The following CNTN4 variants were observed in gnomAD, a reference collection of about 807,000 sequenced individuals.
CNTN4 encodes contactin-4.
A neutral mutation model predicts 122.5 loss-of-function variants in CNTN4; 77 were observed. The ratio of observed to expected loss-of-function variants is 0.63; its 90% CI spans 0.52 to 0.76. CNTN4 has a LOEUF of 0.76. Ranked by LOEUF, CNTN4 falls within the 30% of genes least tolerant of loss-of-function variation. The pLI, the probability that CNTN4 is intolerant of heterozygous loss-of-function variation, is 0.00. For missense variants in CNTN4, 1,256 were observed against 1,259.1 expected, an observed-to-expected ratio of 1.00 and a Z score of 0.04; for synonymous variants, 512 against 447.0, an observed-to-expected ratio of 1.15 and a Z score of -1.83.
Position 2,412,140 on chromosome 3 carries a change from A to G in CNTN4, c.-89+72907A>G, listed in dbSNP as rs1165880923. On this transcript the variant is annotated intron_variant, in intron 3 of 24. Transcript: ENST00000418658. ...ATTTTTTGAGATTCTTTTGTATTCC[A>G]TGTATCAGGAGTGTGTTCTTTTCAT... Among the ~76,000 whole-genome samples, 8 of 152,282 alleles carry G rather than the reference A, an allele frequency of 5.3e-5. No individual in the cohort carries two copies. In the East Asian group the frequency reaches 7.7e-4, roughly 15 times the overall value.
At chr3:2,685,566 A>C (rs1028140006) in intron 4 of CNTN4, among the ~76,000 whole-genome samples, 2 of 152,188 alleles carry the variant, frequency 1.3e-5, no homozygotes, top group Non-Finnish European at 2.9e-5. Flanking sequence ...ACAATTATGC[A>C]AATAGTGTGA....
intron 3 of CNTN4, among the ~76,000 whole-genome samples, chr3:2,546,866 A>T (rs577545830): frequency 1.3e-5 from 2 of 152,274 alleles, no homozygotes; most frequent in Non-Finnish European, 2.9e-5. Context: ...TAAGATTTAC[A>T]CCAATTTCAT....
chr3:2,613,175 CG>C (rs200711901), intron 4 of CNTN4, among the ~76,000 whole-genome samples: 33,621 of 151,946 alleles, frequency 0.22, 4,170 homozygotes, highest in African/African-American at 0.32. Context: ...TCTAAGCACA[CG>C]TGGAGACTCC....
intron 2 of CNTN4, among the ~76,000 whole-genome samples, chr3:2,193,988 C>T (rs1299542760): frequency 6.6e-6 from 1 of 152,102 alleles, no homozygotes; most frequent in Non-Finnish European, 1.5e-5. Context: ...ATACATTTCT[C>T]AAAACACATC....
intron 6 of CNTN4, among the ~76,000 whole-genome samples, chr3:2,770,325 G>T (rs1161340534): frequency 6.6e-6 from 1 of 152,132 alleles, no homozygotes; most frequent in Non-Finnish European, 1.5e-5. Flanking sequence ...ACCGTTTCCG[G>T]CCCTCTTCCA....
chr3:2,236,281 C>G (rs2039678617), intron 2 of CNTN4, among the ~76,000 whole-genome samples: 1 of 152,138 alleles, frequency 6.6e-6, no homozygotes, highest in Non-Finnish European at 1.5e-5. Context: ...TGCTGATTAG[C>G]AATGAAACCA....
chr3:2,859,950 T>G (rs1024189420), intron 7 of CNTN4, among the ~76,000 whole-genome samples: 3 of 152,196 alleles, frequency 2.0e-5, no homozygotes, highest in Non-Finnish European at 4.4e-5. Context: ...TAAGTCATAC[T>G]CAAACATATT....
At chr3:2,127,578 T>A (rs542190083) in intron 2 of CNTN4, among the ~76,000 whole-genome samples, 3 of 152,182 alleles carry the variant, frequency 2.0e-5, no homozygotes, top group Non-Finnish European at 2.9e-5. Flanking sequence ...ATAAAAAAAA[T>A]TACAGGAGAG....
intron 3 of CNTN4, among the ~76,000 whole-genome samples, chr3:2,398,433 G>A (rs914596445): frequency 6.6e-6 from 1 of 151,992 alleles, no homozygotes; most frequent in Non-Finnish European, 1.5e-5. Context: ...ACTGTTTTCA[G>A]TTCATTAATA....
In CNTN4 at chr3:2,596,106, A is replaced by G. The variant is rs2080758416; in HGVS notation, c.55+24548A>G. Among the ~76,000 whole-genome samples the G allele has an allele frequency of 2.0e-5, 3 of 152,346 alleles. No individual in the cohort carries two copies. The South Asian group carries it at 6.2e-4, about 32-fold the overall frequency. ...AGGTTTAATTAAAAGCAATGAATGA[A>G]TACATATGCTTCAACATTAATCTCA... On this transcript the variant is annotated intron_variant, in intron 4 of 24. Coordinates refer to ENST00000418658, the MANE Select transcript of CNTN4 (RefSeq NM_175607.3).
chr3:2,819,413 A>T (rs892693765), intron 6 of CNTN4, 73 bp from the exon 7 acceptor site: 21 of 1,171,674 alleles, frequency 1.8e-5, no homozygotes, highest in Middle Eastern at 1.9e-4. Context: ...TTCTCTTTTG[A>T]AATAGTGGTA....
intron 5 of CNTN4, among the ~76,000 whole-genome samples, chr3:2,740,133 G>T (rs1256763999): frequency 6.6e-6 from 1 of 152,178 alleles, no homozygotes; most frequent in South Asian, 2.1e-4. Flanking sequence ...GAGGCAGGAG[G>T]ATGGCTTGAG....
chr3:2,290,027 C>T (rs2149986594), intron 2 of CNTN4, among the ~76,000 whole-genome samples: 1 of 152,164 alleles, frequency 6.6e-6, no homozygotes, highest in East Asian at 1.9e-4. Flanking sequence ...TTCTCTGAGC[C>T]AGTCATTTTC....
At chr3:2,162,832 C>T (rs1485349133) in intron 2 of CNTN4, among the ~76,000 whole-genome samples, 1 of 152,172 alleles carries the variant, frequency 6.6e-6, no homozygotes, top group Non-Finnish European at 1.5e-5. Flanking sequence ...TGTGGTGGCT[C>T]AGGCCTGTAG....
intron 12 of CNTN4, among the ~76,000 whole-genome samples, chr3:2,922,002 A>G (rs1362897900): frequency 6.6e-6 from 1 of 152,228 alleles, no homozygotes; most frequent in Admixed American, 6.5e-5. Flanking sequence ...TGCATTTCTC[A>G]CATGGAGGAG....
intron 6 of CNTN4, among the ~76,000 whole-genome samples, chr3:2,802,474 A>G (rs1448860266): frequency 1.3e-5 from 2 of 152,210 alleles, no homozygotes. Context: ...GGTGCTGTCT[A>G]GTGTTCATAA....
chr3:2,787,750 T>A (rs969671737), intron 6 of CNTN4, among the ~76,000 whole-genome samples: 2 of 151,994 alleles, frequency 1.3e-5, no homozygotes, highest in Admixed American at 6.6e-5. Context: ...ATGCACAAAG[T>A]GTACTTATCA....
At chr3:2,802,293 C>T (rs533723700) in intron 6 of CNTN4, among the ~76,000 whole-genome samples, 1 of 152,192 alleles carries the variant, frequency 6.6e-6, no homozygotes, top group Admixed American at 6.5e-5. Flanking sequence ...TCACCCAACA[C>T]TTATTTTCCC....
At chr3:2,548,426 T>C (rs1213263127) in intron 3 of CNTN4, among the ~76,000 whole-genome samples, 1 of 152,180 alleles carries the variant, frequency 6.6e-6, no homozygotes, top group Non-Finnish European at 1.5e-5. Flanking sequence ...ATTTATTAAA[T>C]AGGGAATCCT....
Sources: gnomAD v4.1 joint callset for allele counts (sites outside exome capture counted in the v4.1 genomes callset) on GRCh38, gnomAD v4.1.1 for gene constraint, MANE v1.5 for transcripts, NCBI Gene and HGNC (gene_info 2026-07-23, HGNC 2026-07-21) for gene names.